Variants in DIP2A observed in about 807,000 individuals in gnomAD.
DIP2A encodes disco-interacting protein 2 homolog A.
DIP2A carries 85 observed loss-of-function variants against 177.4 expected under a neutral mutation model. That is an observed-to-expected ratio of 0.48 (90% CI 0.40 to 0.57). The LOEUF (loss-of-function observed/expected upper bound fraction) is 0.57. Among genes scored for constraint, DIP2A ranks in the 20% least tolerant of loss-of-function variants. The probability of loss-of-function intolerance (pLI) is 0.00; values close to 1 mark genes in which losing one functional copy is unlikely to be tolerated. For synonymous variants in DIP2A, 886 were observed against 881.8 expected, an observed-to-expected ratio of 1.00 and a Z score of -0.08; for missense variants, 1,791 against 2,100.2, an observed-to-expected ratio of 0.85 and a Z score of 2.88.
In DIP2A at chr21:46,557,497, G is replaced by C; in HGVS notation, c.3630-88G>C. 6.9e-7 allele frequency: 1 copy of C among 1,443,676 alleles called. No individual in the cohort carries two copies. The highest frequency in any genetic ancestry group is 9.3e-7 in the Non-Finnish European group (1 of 1,075,894). The allele number at this position is 1,443,676 out of a possible 1,614,324, so 89.4% of individuals were successfully genotyped here. On this transcript the variant is annotated intron_variant, in intron 30 of 37. Coordinates refer to ENST00000417564, the MANE Select transcript of DIP2A (RefSeq NM_015151.4). The surrounding 1 kb of genome is among the most constrained non-coding windows in gnomAD (Gnocchi z 6.0). Reference sequence around the variant, plus strand: ...AGAAATCATGCCCCTGTTGTGGCTGGAAAAGAAGTGTTCTTGAGGAAGGGA... The same window carrying C: ...AGAAATCATGCCCCTGTTGTGGCTGCAAAAGAAGTGTTCTTGAGGAAGGGA...
chr21:46,463,735 G>A (rs1239979650), intron 1 of DIP2A, among the ~76,000 whole-genome samples: 2 of 132,610 alleles, frequency 1.5e-5, no homozygotes, highest in African/African-American at 5.2e-5. Context: ...TTGAGACGGA[G>A]TCTCACTCTG....
Position 46,511,501 on chromosome 21 carries a change from C to G in DIP2A, c.989C>G (p.Pro330Arg), listed in dbSNP as rs745447722. The change falls in exon 8 of 38, where the codon CCC becomes CGC. Residue 330 changes from proline (P) to arginine (R), a missense_variant. Transcript: ENST00000417564. Reference sequence around the variant, plus strand: ...GGGGAGCCTCTCACTGCAGGTGTCCCCCGACCGCCGTCGCTGTTGGCCACC... The same window carrying G: ...GGGGAGCCTCTCACTGCAGGTGTCCGCCGACCGCCGTCGCTGTTGGCCACC... ...LRGEPLTAGV[P>R]RPPSLLATLQ... 1.2e-6 allele frequency: 2 copies of G among 1,612,942 alleles called. No individual in the cohort carries two copies. The highest frequency in any genetic ancestry group is 1.7e-6 in the Non-Finnish European group (2 of 1,179,528).
intron 22 of DIP2A, 98 bp from the exon 23 acceptor site, chr21:46,550,444 TG>T: frequency 8.5e-7 from 1 of 1,180,288 alleles, no homozygotes. Context: ...TTTCCTGGCC[TG>T]GGGAACAGGT....
Position 46,537,558 on chromosome 21 carries a change from A to G in DIP2A, c.1801+19A>G. On this transcript the variant is annotated intron_variant, in intron 15 of 37. Coordinates refer to ENST00000417564, the MANE Select transcript of DIP2A (RefSeq NM_015151.4). The surrounding 1 kb of genome is among the most constrained non-coding windows in gnomAD (Gnocchi z 4.1). ...TATAAAGGTAACGGATACCATGGTCAGGGCCTTCACCCTTCTTTAGGGAAA... is the reference window on the plus strand; with the variant it reads ...TATAAAGGTAACGGATACCATGGTCGGGGCCTTCACCCTTCTTTAGGGAAA... 6.2e-7 allele frequency: 1 copy of G among 1,610,988 alleles called. No individual in the cohort carries two copies. Among genetic ancestry groups the G allele is most frequent in the East Asian group, 2.2e-5 (1 of 44,860 alleles).
At chr21:46,528,446 G>GT (rs1208431787) in intron 8 of DIP2A, among the ~76,000 whole-genome samples, 4 of 133,458 alleles carry the variant, frequency 3.0e-5, no homozygotes, top group African/African-American at 1.2e-4. Context: ...ATGTATACGT[G>GT]TTTATATGTG....
chr21:46,580,866 G>T, the DIP2A span, among the ~76,000 whole-genome samples: 11 of 152,140 alleles, frequency 7.2e-5, no homozygotes, highest in Non-Finnish European at 1.3e-4. Context: ...CTCTCTGGCT[G>T]CCCTTAACAT....
chr21:46,559,593 T>C (rs375288231), intron 32 of DIP2A, among the ~76,000 whole-genome samples: 1 of 152,204 alleles, frequency 6.6e-6, no homozygotes, highest in African/African-American at 2.4e-5. Flanking sequence ...GTGCCGGCCT[T>C]TGTGTTAGCG....
chr21:46,563,358 G>A lies in DIP2A; in HGVS notation c.4090-500G>A, dbSNP rs2060730389. On this transcript the variant is annotated intron_variant, in intron 34 of 37. Transcript: ENST00000417564. The surrounding 1 kb of genome is among the most constrained non-coding windows in gnomAD (Gnocchi z 4.3). ...GTGAGGGAACACTGGGACCGGGCCTGGGAGGCCAGGTAAGAGATGGTGGCC... is the reference window on the plus strand; with the variant it reads ...GTGAGGGAACACTGGGACCGGGCCTAGGAGGCCAGGTAAGAGATGGTGGCC... 3.3e-5 allele frequency among the ~76,000 whole-genome samples: 5 copies of A among 152,222 alleles called. No individual in the cohort carries two copies. Among genetic ancestry groups the A allele is most frequent in the Admixed American group, 3.3e-4 (5 of 15,286 alleles).
intron 1 of DIP2A, among the ~76,000 whole-genome samples, chr21:46,463,680 T>TTGTGTG (rs5844275): frequency 0.065 from 8,544 of 130,902 alleles, 385 homozygotes; most frequent in African/African-American, 0.14. Context: ...TGGGATATAT[T>TTGTGTG]TGTGTGTGTG....
intron 35 of DIP2A, among the ~76,000 whole-genome samples, chr21:46,564,471 G>A (rs1462736778): frequency 2.0e-5 from 3 of 152,204 alleles, no homozygotes; most frequent in Non-Finnish European, 2.9e-5. Context: ...TACATGTATT[G>A]CACGTACATC....
intron 35 of DIP2A, among the ~76,000 whole-genome samples, chr21:46,564,400 G>A (rs532671948): frequency 2.4e-4 from 36 of 152,218 alleles, no homozygotes; most frequent in Non-Finnish European, 4.3e-4. Context: ...GGACACAGTG[G>A]AGGGTGCGGG....
intron 8 of DIP2A, among the ~76,000 whole-genome samples, chr21:46,520,031 C>A (rs1036760377): frequency 6.6e-6 from 1 of 151,748 alleles, no homozygotes; most frequent in Non-Finnish European, 1.5e-5. Flanking sequence ...CCCGCCACCA[C>A]GCCCGGCTAA....
At chr21:46,567,272 G>C (rs17303582) in intron 37 of DIP2A, 98 bp from the exon 38 acceptor site, 62,333 of 1,500,670 alleles carry the variant, frequency 0.042, 1,502 homozygotes, top group Non-Finnish European at 0.047. Context: ...TGACATTGGT[G>C]GGCTTCACTC....
At chr21:46,472,131 T>C (rs1568915193) in intron 1 of DIP2A, among the ~76,000 whole-genome samples, 1 of 152,146 alleles carries the variant, frequency 6.6e-6, no homozygotes, top group South Asian at 2.1e-4. Context: ...CCTCATCCAA[T>C]AGGACTGGTG....
At position 46,511,510 on chromosome 21, in the gene DIP2A, C is replaced by G. The variant is rs201955611; in HGVS notation, c.998C>G (p.Pro333Arg). 6.2e-7 allele frequency: 1 copy of G among 1,612,784 alleles called. No homozygotes were observed. The highest frequency in any genetic ancestry group is 8.5e-7 in the Non-Finnish European group (1 of 1,179,448). Residue 333 changes from proline to arginine, a missense_variant, in exon 8 of 38, where the codon CCG becomes CGG. Pro to Arg is a moderately radical substitution (Grantham distance 103, BLOSUM62 -2). Transcript: ENST00000417564. ...EPLTAGVPRPPSLLATLQRWG... is the reference protein window; with the variant it reads ...EPLTAGVPRPRSLLATLQRWG... ...CTCACTGCAGGTGTCCCCCGACCGC[C>G]GTCGCTGTTGGCCACCTTGCAGCGC...
At position 46,567,446 on chromosome 21, in the gene DIP2A, G is replaced by A; in HGVS notation, c.4540G>A (p.Val1514Met). Residue 1514 changes from valine (V) to methionine (M), a missense_variant, in exon 38 of 38, where the codon GTG becomes ATG. Coordinates refer to ENST00000417564, the MANE Select transcript of DIP2A (RefSeq NM_015151.4). ...DGLEQDALDLVALVTNVVLEE... is the reference protein window; with the variant it reads ...DGLEQDALDLMALVTNVVLEE... The stretch of plus-strand genomic sequence containing the variant: ...GCTAGAGCAGGATGCCCTGGACCTG[G>A]TGGCCCTGGTGACCAACGTGGTGCT... 6.2e-7 allele frequency: 1 copy of A among 1,614,016 alleles called. No individual in the cohort carries two copies. The highest frequency in any genetic ancestry group is 8.5e-7 in the Non-Finnish European group (1 of 1,179,900).
Position 46,566,595 on chromosome 21 carries a change from G to A in DIP2A, c.4375G>A (p.Asp1459Asn), listed in dbSNP as rs751167799. 6.2e-7 allele frequency: 1 copy of A among 1,614,180 alleles called. No individual in the cohort carries two copies. Among genetic ancestry groups the A allele is most frequent in the South Asian group, 1.1e-5 (1 of 91,084 alleles). The change falls in exon 37 of 38, where the codon GAT (aspartate) becomes AAT (asparagine). Residue 1459 changes from aspartate to asparagine, a missense_variant. By Grantham distance (23) the Asp-to-Asn change is conservative. Coordinates refer to ENST00000417564, the MANE Select transcript of DIP2A (RefSeq NM_015151.4). ...TGCACTGTATGTGGTTGGGTCTCTG[G>A]ATGAAACTCTGGAGCTCAGAGGCAT... The part of the protein sequence containing the change: ...HDALYVVGSL[D>N]ETLELRGMRY...
intron 3 of DIP2A, 32 bp downstream of exon 3, chr21:46,490,751 G>A: frequency 6.5e-7 from 1 of 1,540,570 alleles, no homozygotes. Flanking sequence ...TGGGGAAGGT[G>A]GACGGGCCTG....
chr21:46,564,067 G>A (rs1426549432), intron 35 of DIP2A, 135 bp downstream of exon 35: 41 of 991,178 alleles, frequency 4.1e-5, no homozygotes, highest in African/African-American at 4.9e-5. Flanking sequence ...CCCTTGCCCC[G>A]TGTACCTCCC....
Sources: allele counts gnomAD v4.1 joint callset (sites outside exome capture counted in the v4.1 genomes callset), GRCh38; gene constraint gnomAD v4.1.1; non-coding constraint Gnocchi (gnomAD v3.1); transcripts MANE v1.5; gene names NCBI Gene and HGNC (gene_info 2026-07-23, HGNC 2026-07-21).